METTL16: variants seen among roughly 807,000 people sequenced by gnomAD.
METTL16 encodes methyltransferase 16, RNA N6-adenosine.
A neutral mutation model predicts 57.9 loss-of-function variants in METTL16; 19 were observed. That is an observed-to-expected ratio of 0.33 (90% confidence interval 0.23 to 0.48). The LOEUF is 0.48. METTL16 is among the 20% of genes least tolerant of loss of function. The pLI is 0.99. For missense variants in METTL16, 434 were observed against 691.5 expected, an observed-to-expected ratio of 0.63 and a Z score of 4.18; for synonymous variants, 246 against 255.6, an observed-to-expected ratio of 0.96 and a Z score of 0.36.
chr17:2,447,494 T>C (rs1264852116), intron 6 of METTL16, among the ~76,000 whole-genome samples: 1 of 98,480 alleles, frequency 1.0e-5, no homozygotes, highest in Admixed American at 1.0e-4. Flanking sequence ...GTCCGGGAGG[T>C]GAGGGGCTCC....
intron 2 of METTL16, among the ~76,000 whole-genome samples, chr17:2,488,831 CAAT>C (rs1355354175): frequency 6.6e-6 from 1 of 152,140 alleles, no homozygotes; most frequent in Non-Finnish European, 1.5e-5. Context: ...TTTCTCACAA[CAAT>C]AAAAAAAATT....
Position 2,477,730 on chromosome 17 carries a change from T to TA in METTL16, c.283_284insT (p.His95LeufsTer5). 6.2e-7 allele frequency: 1 copy of TA among 1,614,094 alleles called. No homozygotes were observed. Among genetic ancestry groups the TA allele is most frequent in the Non-Finnish European group, 8.5e-7 (1 of 1,179,928 alleles). On this transcript the variant is annotated frameshift_variant, in exon 3 of 10. Coordinates refer to ENST00000263092, the MANE Select transcript of METTL16 (RefSeq NM_024086.4). LOFTEE classifies it high-confidence loss of function. ...GAGAGTACTTTTGTCAGAATCCTGG[T>TA]GACCGATCAGATCTTCTACCCAGTG...
intron 6 of METTL16, among the ~76,000 whole-genome samples, chr17:2,444,713 ATT>A (rs1284220670): frequency 1.4e-4 from 18 of 129,284 alleles, no homozygotes; most frequent in Non-Finnish European, 1.7e-4. Flanking sequence ...CAGATGGACC[ATT>A]TTTTTTTTTT....
At chr17:2,445,611 C>G (rs9913282) in intron 6 of METTL16, among the ~76,000 whole-genome samples, 4,914 of 151,920 alleles carry the variant, frequency 0.032, 296 homozygotes, top group African/African-American at 0.11. Context: ...TATGGCAAAA[C>G]CCCGCCTCTA....
In METTL16 at chr17:2,416,238, A is replaced by C. The variant is rs2066713914; in HGVS notation, c.*3732T>G. On this transcript the variant is annotated 3_prime_UTR_variant, in exon 10 of 10. Coordinates refer to ENST00000263092, the MANE Select transcript of METTL16 (RefSeq NM_024086.4). ...CAAGGGTGCCCTCGTGTGGCCACGG[A>C]GGGAAATGCCGCGGCTTCAGCAGAA... 1 of 152,134 alleles carries C rather than the reference A, an allele frequency of 6.6e-6. No individual in the cohort carries two copies. Among genetic ancestry groups the C allele is most frequent in the South Asian group, 2.1e-4 (1 of 4,832 alleles). The allele number at this position is 152,134 out of a possible 1,614,324, so 9.4% of individuals were successfully genotyped here.
At chr17:2,475,287 C>T (rs1461438913) in intron 3 of METTL16, 4 of 152,210 alleles carry the variant, frequency 2.6e-5, no homozygotes, top group Non-Finnish European at 4.4e-5. Flanking sequence ...TGGACAAGCA[C>T]GTCCTTGGAT....
chr17:2,457,527 C>T, intron 6 of METTL16, among the ~76,000 whole-genome samples: 1 of 151,574 alleles, frequency 6.6e-6, no homozygotes, highest in African/African-American at 2.4e-5. Flanking sequence ...GGCCAACACG[C>T]TGAAACCCCA....
At chr17:2,480,865 A>G (rs1251219337) in intron 2 of METTL16, among the ~76,000 whole-genome samples, 3 of 152,232 alleles carry the variant, frequency 2.0e-5, no homozygotes, top group Admixed American at 6.5e-5. Flanking sequence ...TCAATTAAGA[A>G]TTATCAATGG....
rs556631290 is a variant in METTL16 at position 2,422,442 on chromosome 17, G to A, written c.889-1538C>T. Reference sequence around the variant, plus strand: ...CACTCTGTCACTGGAGTGCAATGGCGCCATCTCGGCTCACTGCAACCTCCA... The same window carrying A: ...CACTCTGTCACTGGAGTGCAATGGCACCATCTCGGCTCACTGCAACCTCCA... On this transcript the variant is annotated intron_variant, in intron 8 of 9. Coordinates refer to ENST00000263092, the MANE Select transcript of METTL16 (RefSeq NM_024086.4). 1.2e-3 allele frequency among the ~76,000 whole-genome samples: 182 copies of A among 150,492 alleles called. 1 individual carries two copies. Among genetic ancestry groups the A allele is most frequent in the Non-Finnish European group, 1.6e-3 (107 of 67,726 alleles).
chr17:2,473,084 G>A (rs947154602), intron 4 of METTL16, among the ~76,000 whole-genome samples: 26 of 152,126 alleles, frequency 1.7e-4, no homozygotes, highest in African/African-American at 5.8e-4. Flanking sequence ...AAGGCTATGC[G>A]TGTGTGGGGG....
At chr17:2,470,477 T>C (rs2067228282) in intron 4 of METTL16, among the ~76,000 whole-genome samples, 1 of 152,168 alleles carries the variant, frequency 6.6e-6, no homozygotes, top group Admixed American at 6.5e-5. Flanking sequence ...AGTCTGTGAA[T>C]GACCACAAAA....
chr17:2,467,209 T>TA (rs2067205257), intron 5 of METTL16, among the ~76,000 whole-genome samples: 1 of 152,048 alleles, frequency 6.6e-6, no homozygotes. Context: ...AAAAGCCCCC[T>TA]AACTGGTATA....
In METTL16 at chr17:2,477,507, T is replaced by C. The variant is rs888360066; in HGVS notation, c.328+179A>G. The stretch of plus-strand genomic sequence containing the variant: ...ACATTGCCTTTGAGCAACACATCAG[T>C]GCTCAAAGGTTGCAGATTTTGAAGC... On this transcript the variant is annotated intron_variant, in intron 3 of 9. Coordinates refer to ENST00000263092, the MANE Select transcript of METTL16 (RefSeq NM_024086.4). 5 of 600,412 alleles carry C rather than the reference T, an allele frequency of 8.3e-6. No homozygotes were observed. In the African/African-American group the frequency reaches 9.3e-5, roughly 11 times the overall value. The allele number at this position is 600,412 out of a possible 1,614,324, so 37.2% of individuals were successfully genotyped here.
intron 2 of METTL16, among the ~76,000 whole-genome samples, chr17:2,494,884 G>T (rs182298146): frequency 6.6e-6 from 1 of 151,654 alleles, no homozygotes; most frequent in African/African-American, 2.4e-5. Context: ...TGTAGTCCCA[G>T]ATACTCGAGA....
At chr17:2,448,752 T>A (rs866495169) in intron 6 of METTL16, among the ~76,000 whole-genome samples, 9,058 of 46,418 alleles carry the variant, frequency 0.2, 1,652 homozygotes, top group African/African-American at 0.5. Context: ...AAAAAAAAAA[T>A]AAAATAAAAA....
At chr17:2,494,923 G>A (rs1008900236) in intron 2 of METTL16, among the ~76,000 whole-genome samples, 3 of 151,850 alleles carry the variant, frequency 2.0e-5, no homozygotes, top group African/African-American at 7.2e-5. Context: ...GTTTGAACCC[G>A]GGAGCCGGAG....
At chr17:2,495,937 T>C (rs958092065) in intron 2 of METTL16, among the ~76,000 whole-genome samples, 2 of 151,076 alleles carry the variant, frequency 1.3e-5, no homozygotes, top group Non-Finnish European at 1.5e-5. Context: ...GGCAAAACCT[T>C]GTCTCTACTA....
chr17:2,489,995 T>C (rs921488762), intron 2 of METTL16, among the ~76,000 whole-genome samples: 10 of 152,152 alleles, frequency 6.6e-5, no homozygotes, highest in African/African-American at 2.2e-4. Context: ...TACATATACT[T>C]GTATGAAGAG....
chr17:2,465,543 T>TTCCCCGCACCCCC (rs1242947632), intron 5 of METTL16, among the ~76,000 whole-genome samples: 1 of 87,260 alleles, frequency 1.1e-5, no homozygotes, highest in African/African-American at 5.5e-5. Context: ...CAAGACTCCA[T>TTCCCCGCACCCCC]CTCAAAAAAA....
Sources: allele counts gnomAD v4.1 joint callset (sites outside exome capture counted in the v4.1 genomes callset), GRCh38; gene constraint gnomAD v4.1.1; transcripts MANE v1.5; gene names NCBI Gene and HGNC (gene_info 2026-07-23, HGNC 2026-07-21).